Variants in KCNC2 observed in about 807,000 individuals in gnomAD.
KCNC2 encodes the protein voltage-gated potassium channel KCNC2.
Under a neutral mutation model 44.5 loss-of-function variants are expected in KCNC2, and 21 were observed. The observed-to-expected ratio is 0.47, with a 90% CI of 0.33 to 0.68. The LOEUF (loss-of-function observed/expected upper bound fraction) is 0.68. Among genes scored for constraint, KCNC2 ranks in the 30% least tolerant of loss-of-function variants. The pLI, the probability that KCNC2 is intolerant of heterozygous loss-of-function variation, is 0.01. For missense variants in KCNC2, 589 were observed against 826.2 expected, an observed-to-expected ratio of 0.71 and a Z score of 3.52; for synonymous variants, 391 against 339.1, an observed-to-expected ratio of 1.15 and a Z score of -1.68.
intron 2 of KCNC2, among the ~76,000 whole-genome samples, chr12:75,143,634 A>G (rs1419346623): frequency 6.6e-6 from 1 of 152,150 alleles, no homozygotes; most frequent in Non-Finnish European, 1.5e-5. Context: ...AAAGGTTCTA[A>G]TAGAAATCCC....
At chr12:75,047,776 T>C (rs1880694036) in intron 4 of KCNC2, among the ~76,000 whole-genome samples, 1 of 152,140 alleles carries the variant, frequency 6.6e-6, no homozygotes, top group African/African-American at 2.4e-5. Flanking sequence ...TCATCAAATA[T>C]GTGCACAGAG....
intron 2 of KCNC2, among the ~76,000 whole-genome samples, chr12:75,163,277 G>A (rs1891238180): frequency 6.6e-6 from 1 of 151,714 alleles, no homozygotes. Flanking sequence ...TGTGTATCTA[G>A]TTCCCTTGGC....
intron 2 of KCNC2, among the ~76,000 whole-genome samples, chr12:75,056,435 A>T (rs1316060451): frequency 6.6e-6 from 1 of 151,950 alleles, no homozygotes; most frequent in East Asian, 1.9e-4. Flanking sequence ...ATATAATACT[A>T]AGGAATTTCC....
In KCNC2 at chr12:75,042,101, C is replaced by A. The variant is rs1298746905; in HGVS notation, c.*1004G>T. ...ACACCAGTGACATTTGATGTTTGCA[C>A]AAAAAATTAATAAATAAAAATAAAA... On this transcript the variant is annotated 3_prime_UTR_variant, in exon 5 of 5. Coordinates refer to ENST00000549446, the MANE Select transcript of KCNC2 (RefSeq NM_139137.4). The A allele has an allele frequency of 1.6e-6, 2 of 1,235,510 alleles. No individual in the cohort carries two copies. Among genetic ancestry groups the A allele is most frequent in the Non-Finnish European group, 2.0e-6 (2 of 989,646 alleles). The allele number at this position is 1,235,510 out of a possible 1,614,324, so 76.5% of individuals were successfully genotyped here. A position where few individuals can be genotyped will look rare whatever the true frequency, so the allele number is the denominator to read the frequency against.
intron 2 of KCNC2, among the ~76,000 whole-genome samples, chr12:75,201,060 G>C (rs1054128081): frequency 6.6e-6 from 1 of 151,386 alleles, no homozygotes; most frequent in Non-Finnish European, 1.5e-5. Context: ...TTAGACCTAA[G>C]AAATGACAGA....
intron 2 of KCNC2, among the ~76,000 whole-genome samples, chr12:75,143,102 T>C (rs1171653526): frequency 6.6e-6 from 1 of 152,076 alleles, no homozygotes; most frequent in African/African-American, 2.4e-5. Flanking sequence ...GAAATGATGA[T>C]GTTAGTGAAA....
chr12:75,065,341 A>G (rs1882728130), intron 2 of KCNC2, among the ~76,000 whole-genome samples: 1 of 152,042 alleles, frequency 6.6e-6, no homozygotes, highest in South Asian at 2.1e-4. Context: ...CATTTGGTGT[A>G]TTGGTATGCC....
chr12:75,092,708 A>C (rs1268572251), intron 2 of KCNC2, among the ~76,000 whole-genome samples: 1 of 151,708 alleles, frequency 6.6e-6, no homozygotes, highest in Non-Finnish European at 1.5e-5. Context: ...GTTAAAAAAT[A>C]AATGAATAAT....
intron 2 of KCNC2, among the ~76,000 whole-genome samples, chr12:75,082,435 GA>G (rs886588178): frequency 4.0e-5 from 6 of 151,510 alleles, no homozygotes; most frequent in African/African-American, 1.5e-4. Context: ...CTGGTTGTCA[GA>G]AGATTAATTT....
chr12:75,133,893 G>C (rs1438851024), intron 2 of KCNC2, among the ~76,000 whole-genome samples: 1 of 151,286 alleles, frequency 6.6e-6, no homozygotes, highest in East Asian at 1.9e-4. Context: ...TAGAATAACA[G>C]GGATGAACAG....
intron 2 of KCNC2, among the ~76,000 whole-genome samples, chr12:75,052,601 G>A (rs1011463824): frequency 6.6e-6 from 1 of 152,100 alleles, no homozygotes; most frequent in Admixed American, 6.6e-5. Context: ...CAGTCAAGCG[G>A]AGGGAGGTTC....
chr12:75,190,397 T>C (rs1244145837), intron 2 of KCNC2, among the ~76,000 whole-genome samples: 1 of 152,200 alleles, frequency 6.6e-6, no homozygotes, highest in African/African-American at 2.4e-5. Context: ...ATTTCAGTGT[T>C]GTGATAGTTC....
chr12:75,088,324 G>A (rs1885194079), intron 2 of KCNC2, among the ~76,000 whole-genome samples: 2 of 151,962 alleles, frequency 1.3e-5, no homozygotes. Context: ...ATTTAATGAG[G>A]CCATGCATGT....
intron 2 of KCNC2, among the ~76,000 whole-genome samples, chr12:75,106,639 A>C (rs927060639): frequency 6.6e-6 from 1 of 152,186 alleles, no homozygotes; most frequent in African/African-American, 2.4e-5. Flanking sequence ...TTTCTTCCAG[A>C]TTGATACTAT....
chr12:75,143,986 TG>T (rs1458224826), intron 2 of KCNC2, among the ~76,000 whole-genome samples: 1 of 152,152 alleles, frequency 6.6e-6, no homozygotes, highest in African/African-American at 2.4e-5. Flanking sequence ...GATCATTTCA[TG>T]GGAGTGAAGA....
At chr12:75,152,381 G>T (rs542053441) in intron 2 of KCNC2, among the ~76,000 whole-genome samples, 4 of 151,500 alleles carry the variant, frequency 2.6e-5, no homozygotes, top group South Asian at 4.2e-4. Context: ...AATAATAATA[G>T]AAACCAAAAA....
At chr12:75,185,678 T>C (rs1360461902) in intron 2 of KCNC2, among the ~76,000 whole-genome samples, 1 of 152,100 alleles carries the variant, frequency 6.6e-6, no homozygotes, top group Non-Finnish European at 1.5e-5. Context: ...AACACAAAAC[T>C]AAGGCATACA....
At chr12:75,187,631 G>C (rs1893042202) in intron 2 of KCNC2, among the ~76,000 whole-genome samples, 1 of 152,292 alleles carries the variant, frequency 6.6e-6, no homozygotes, top group African/African-American at 2.4e-5. Flanking sequence ...GTTAAATGTG[G>C]TGGCCAGAAG....
At chr12:75,168,923 A>G (rs1891633640) in intron 2 of KCNC2, among the ~76,000 whole-genome samples, 1 of 151,552 alleles carries the variant, frequency 6.6e-6, no homozygotes, top group Admixed American at 6.6e-5. Context: ...GATTATTTAC[A>G]CAATTTTGCT....
Sources: gnomAD v4.1 joint callset for allele counts (sites outside exome capture counted in the v4.1 genomes callset) on GRCh38, gnomAD v4.1.1 for gene constraint, MANE v1.5 for transcripts, NCBI Gene and HGNC (gene_info 2026-07-23, HGNC 2026-07-21) for gene names.